The following MYO3B variants were observed in gnomAD, a reference collection of about 807,000 sequenced individuals.
MYO3B encodes the protein myosin-IIIb.
In MYO3B, 156 loss-of-function variants were observed where a neutral mutation model predicts 174.6. That is an observed-to-expected ratio of 0.89 (90% CI 0.78 to 1.02). MYO3B has a LOEUF of 1.02. Ranked by LOEUF, MYO3B falls within the 50% of genes least tolerant of loss-of-function variation. The pLI, the probability that MYO3B is intolerant of heterozygous loss-of-function variation, is 0.00. For synonymous variants in MYO3B, 563 were observed against 569.1 expected (o/e 0.99, Z 0.15); for missense variants, 1,632 against 1,639.4 (o/e 1.00, Z 0.08).
In MYO3B at chr2:170,499,638, C is replaced by T. The variant is rs201097220; in HGVS notation, c.3127-8C>T. On this transcript the variant is annotated splice_polypyrimidine_tract_variant and splice_region_variant and intron_variant, in intron 26 of 34. Transcript: ENST00000408978. Reference sequence around the variant, plus strand: ...ATATGTAATGCTAAAACTACTGTCTCGTTTCAGGTTTTTCTCAAATATTAC... The same window carrying T: ...ATATGTAATGCTAAAACTACTGTCTTGTTTCAGGTTTTTCTCAAATATTAC... 6.2e-6 allele frequency: 10 copies of T among 1,613,574 alleles called. No individual in the cohort carries two copies. The highest frequency in any genetic ancestry group is 3.3e-5 in the Admixed American group (2 of 60,006).
intron 7 of MYO3B, among the ~76,000 whole-genome samples, chr2:170,281,215 G>A (rs919374080): frequency 6.6e-6 from 1 of 152,130 alleles, no homozygotes; most frequent in Non-Finnish European, 1.5e-5. Context: ...TGTATTCCCA[G>A]GTATTTTATT....
chr2:170,380,117 G>C (rs1216234017), intron 9 of MYO3B, among the ~76,000 whole-genome samples: 1 of 152,248 alleles, frequency 6.6e-6, no homozygotes, highest in Non-Finnish European at 1.5e-5. Context: ...GATCTAGCTA[G>C]ATAGAATTGT....
At chr2:170,531,478 T>A (rs948407064) in intron 30 of MYO3B, among the ~76,000 whole-genome samples, 1 of 152,142 alleles carries the variant, frequency 6.6e-6, no homozygotes, top group Non-Finnish European at 1.5e-5. Context: ...AAGTGGAAGA[T>A]CAAATAGCAC....
intron 5 of MYO3B, 118 bp downstream of exon 5, chr2:170,214,946 C>T (rs1218851661): frequency 2.8e-6 from 2 of 715,730 alleles, no homozygotes; most frequent in African/African-American, 1.7e-5. Flanking sequence ...GGGACTTTTC[C>T]AGTCAAACAC....
chr2:170,496,789 G>C (rs906364341), intron 25 of MYO3B, among the ~76,000 whole-genome samples: 2 of 151,810 alleles, frequency 1.3e-5, no homozygotes, highest in Non-Finnish European at 2.9e-5. Flanking sequence ...ACCATGCCTG[G>C]CTAATTTTTT....
chr2:170,439,064 A>C (rs908882698), intron 22 of MYO3B, among the ~76,000 whole-genome samples: 2 of 144,732 alleles, frequency 1.4e-5, no homozygotes, highest in African/African-American at 5.1e-5. Flanking sequence ...AGTCAAGTCC[A>C]TATTTAAATT....
At chr2:170,340,828 T>C (rs1034952368) in intron 8 of MYO3B, 1 of 152,162 alleles carries the variant, frequency 6.6e-6, no homozygotes, top group Admixed American at 6.5e-5. Flanking sequence ...GTTTTTGTGG[T>C]TTTCTTAATT....
intron 32 of MYO3B, among the ~76,000 whole-genome samples, chr2:170,551,478 C>T (rs2355889): frequency 0.77 from 109,742 of 141,612 alleles, 42,696 homozygotes; most frequent in African/African-American, 0.87. Flanking sequence ...TCATGTGATT[C>T]GTTCTTACAT....
In MYO3B at chr2:170,652,274, C is replaced by G. The variant is rs957369050; in HGVS notation, c.3887+120C>G. Reference sequence around the variant, plus strand: ...AAAATATGCAATCCAGATATTGCCACTCTTATTGACATTGGAAATTACTTT... The same window carrying G: ...AAAATATGCAATCCAGATATTGCCAGTCTTATTGACATTGGAAATTACTTT... On this transcript the variant is annotated intron_variant, in intron 34 of 34. Coordinates refer to ENST00000408978, the MANE Select transcript of MYO3B (RefSeq NM_138995.5). 15 of 776,586 alleles carry G rather than the reference C, an allele frequency of 1.9e-5. No homozygotes were observed. The Admixed American group carries it at 2.3e-4, about 12-fold the overall frequency. 48.1% of individuals were successfully genotyped at this position (776,586 alleles called of 1,614,324 possible). A position where few individuals can be genotyped will look rare whatever the true frequency, so the allele number is the denominator to read the frequency against.
intron 16 of MYO3B, among the ~76,000 whole-genome samples, chr2:170,395,465 T>C (rs1458522919): frequency 6.6e-6 from 1 of 152,158 alleles, no homozygotes; most frequent in Non-Finnish European, 1.5e-5. Flanking sequence ...GAGAAGCCTT[T>C]GAGATCGGCG....
At chr2:170,208,161 T>G (rs1279250653) in intron 3 of MYO3B, among the ~76,000 whole-genome samples, 1 of 152,232 alleles carries the variant, frequency 6.6e-6, no homozygotes, top group Non-Finnish European at 1.5e-5. Context: ...CATCTACCTC[T>G]GGATCCCTCA....
chr2:170,371,798 G>A (rs985504096), intron 9 of MYO3B, among the ~76,000 whole-genome samples: 1 of 151,862 alleles, frequency 6.6e-6, no homozygotes, highest in Admixed American at 6.6e-5. Flanking sequence ...GCAGTGCAAT[G>A]TGGTGATTAA....
At chr2:170,607,748 G>A (rs1018801775) in intron 32 of MYO3B, among the ~76,000 whole-genome samples, 7 of 152,158 alleles carry the variant, frequency 4.6e-5, no homozygotes, top group Non-Finnish European at 1.0e-4. Context: ...ATGCCATTTA[G>A]CCTATTCATA....
At chr2:170,639,942 C>T (rs1697835402) in intron 32 of MYO3B, among the ~76,000 whole-genome samples, 1 of 152,170 alleles carries the variant, frequency 6.6e-6, no homozygotes, top group African/African-American at 2.4e-5. Context: ...ATGCAGCTTC[C>T]AGCACAAAGC....
chr2:170,390,038 C>G (rs1280723277), intron 14 of MYO3B, among the ~76,000 whole-genome samples: 1 of 152,102 alleles, frequency 6.6e-6, no homozygotes, highest in Non-Finnish European at 1.5e-5. Flanking sequence ...CCTACCGTGA[C>G]TGGCAATTAA....
At chr2:170,240,773 A>G (rs1482261267) in intron 7 of MYO3B, among the ~76,000 whole-genome samples, 1 of 152,186 alleles carries the variant, frequency 6.6e-6, no homozygotes, top group Non-Finnish European at 1.5e-5. Flanking sequence ...CAGCCAAGAA[A>G]CGGAAGAACA....
intron 29 of MYO3B, among the ~76,000 whole-genome samples, chr2:170,517,311 A>G (rs1688378529): frequency 6.6e-6 from 1 of 152,236 alleles, no homozygotes; most frequent in Non-Finnish European, 1.5e-5. Context: ...CTTCAATTAC[A>G]TGAACAGAAA....
chr2:170,401,584 C>G lies in MYO3B; in HGVS notation c.2022C>G (p.Asp674Glu), dbSNP rs968975013. 6.2e-7 allele frequency: 1 copy of G among 1,614,146 alleles called. No individual in the cohort carries two copies. Residue 674 changes from aspartate (D) to glutamate (E), a missense_variant, in exon 18 of 35, where the codon GAC becomes GAG. By Grantham distance (45) the Asp-to-Glu change is conservative (BLOSUM62 2). Coordinates refer to ENST00000408978, the MANE Select transcript of MYO3B (RefSeq NM_138995.5). The stretch of plus-strand genomic sequence containing the variant: ...CCATCATCCGTGCCAACACTGTAGA[C>G]AGGGCTGCGGACGTTCGAGACGCCA... ...GETIIRANTVDRAADVRDAMS... is the reference protein window; with the variant it reads ...GETIIRANTVERAADVRDAMS...
In MYO3B at chr2:170,461,450, G is replaced by T. The variant is rs574059231; in HGVS notation, c.2731-1918G>T. Among the ~76,000 whole-genome samples the T allele has an allele frequency of 5.8e-5, 8 of 137,092 alleles. No homozygotes were observed. In the East Asian group the frequency reaches 1.5e-3, roughly 26 times the overall value. The allele number at this position is 137,092 out of a possible 152,430, so 89.9% of individuals were successfully genotyped here. A position where few individuals can be genotyped will look rare whatever the true frequency, so the allele number is the denominator to read the frequency against. ...ATCGCACCATTGCACTCCAGCCTGG[G>T]AGCAAAACTCAGTCTCAAAAAAAAA... is the stretch of plus-strand genomic sequence containing the variant. On this transcript the variant is annotated intron_variant, in intron 23 of 34. Coordinates refer to ENST00000408978, the MANE Select transcript of MYO3B (RefSeq NM_138995.5).
Sources: gnomAD v4.1 joint callset for allele counts (sites outside exome capture counted in the v4.1 genomes callset) on GRCh38, gnomAD v4.1.1 for gene constraint, MANE v1.5 for transcripts, NCBI Gene and HGNC (gene_info 2026-07-23, HGNC 2026-07-21) for gene names.